NCKAP5: variants seen among roughly 807,000 people sequenced by gnomAD.
NCKAP5 encodes NCK associated protein 5, also known as nck-associated protein 5.
In NCKAP5, 92 loss-of-function variants were observed where a neutral mutation model predicts 167.0. That is an observed-to-expected ratio of 0.55 (90% CI 0.47 to 0.66). The LOEUF (loss-of-function observed/expected upper bound fraction) is 0.66. Ranked by LOEUF, NCKAP5 falls within the 30% of genes least tolerant of loss-of-function variation. The probability of loss-of-function intolerance (pLI) is 0.00; values close to 1 mark genes in which losing one functional copy is unlikely to be tolerated. For missense variants in NCKAP5, 2,378 were observed against 2,315.0 expected (o/e 1.03, Z -0.56); for synonymous variants, 891 against 877.4 (o/e 1.02, Z -0.27).
chr2:133,539,063 C>T (rs972927036), intron 2 of NCKAP5, among the ~76,000 whole-genome samples: 1 of 151,346 alleles, frequency 6.6e-6, no homozygotes, highest in Non-Finnish European at 1.5e-5. Context: ...GCCTCAGCCT[C>T]CCAAGTAGCT....
chr2:132,965,904 TTGTG>T (rs60589235), intron 7 of NCKAP5, among the ~76,000 whole-genome samples: 2,061 of 140,836 alleles, frequency 0.015, 17 homozygotes, highest in Middle Eastern at 0.047. Context: ...ACATGACTCT[TTGTG>T]TGTGTGTGTG....
the NCKAP5 span, among the ~76,000 whole-genome samples, chr2:133,668,587 T>C: frequency 3.9e-5 from 6 of 152,154 alleles, no homozygotes; most frequent in East Asian, 3.9e-4. Context: ...ATATCTTCTT[T>C]TGAGAAATGA....
At chr2:133,128,676 C>T (rs911324114) in intron 6 of NCKAP5, among the ~76,000 whole-genome samples, 1 of 151,984 alleles carries the variant, frequency 6.6e-6, no homozygotes, top group Non-Finnish European at 1.5e-5. Flanking sequence ...CGGCTCACTG[C>T]AAACTCCACC....
At chr2:133,353,114 A>T (rs1236003840) in intron 3 of NCKAP5, among the ~76,000 whole-genome samples, 1 of 152,200 alleles carries the variant, frequency 6.6e-6, no homozygotes, top group Admixed American at 6.5e-5. Flanking sequence ...CTCCATTAGA[A>T]TACAGCTATT....
At chr2:133,049,534 G>C in intron 6 of NCKAP5, among the ~76,000 whole-genome samples, 1 of 119,994 alleles carries the variant, frequency 8.3e-6, no homozygotes, top group East Asian at 2.5e-4. Context: ...GACAGAGTGA[G>C]ACTCTGTCTC....
intron 11 of NCKAP5, among the ~76,000 whole-genome samples, chr2:132,799,633 C>A (rs1350945678): frequency 6.6e-6 from 1 of 152,018 alleles, no homozygotes; most frequent in Non-Finnish European, 1.5e-5. Flanking sequence ...TAGGTAACTT[C>A]TTAGATAATA....
Position 133,376,249 on chromosome 2 carries a change from G to A in NCKAP5, c.70-73139C>T, listed in dbSNP as rs147076837. Among the ~76,000 whole-genome samples, 638 of 152,302 alleles carry A rather than the reference G, an allele frequency of 4.2e-3. 3 individuals are homozygous for A. The highest frequency in any genetic ancestry group is 7.2e-3 in the Non-Finnish European group (493 of 68,014). ...AAATTAATACACTTATGAAGACCAT[G>A]TTATCAGAAATTGGAAATAAATTCC... On this transcript the variant is annotated intron_variant, in intron 3 of 19. Transcript: ENST00000409261.
chr2:133,072,435 C>A (rs897907031), intron 6 of NCKAP5, among the ~76,000 whole-genome samples: 1 of 152,088 alleles, frequency 6.6e-6, no homozygotes, highest in Non-Finnish European at 1.5e-5. Flanking sequence ...AGCCCTCCAC[C>A]ATAACAATAT....
intron 3 of NCKAP5, among the ~76,000 whole-genome samples, chr2:133,387,813 C>A (rs983612759): frequency 6.6e-6 from 1 of 152,300 alleles, no homozygotes; most frequent in Middle Eastern, 3.4e-3. Context: ...TCACTGATAT[C>A]CTTTCTTCCA....
At chr2:133,137,306 CA>C (rs1375198064) in intron 5 of NCKAP5, among the ~76,000 whole-genome samples, 1 of 151,818 alleles carries the variant, frequency 6.6e-6, no homozygotes, top group Non-Finnish European at 1.5e-5. Context: ...TTTTGAGATG[CA>C]AGGATAGAAA....
At chr2:133,410,878 A>T (rs2151057540) in intron 3 of NCKAP5, among the ~76,000 whole-genome samples, 1 of 152,350 alleles carries the variant, frequency 6.6e-6, no homozygotes, top group Non-Finnish European at 1.5e-5. Context: ...AGACTACAAC[A>T]GAATCTCTAT....
intron 4 of NCKAP5, among the ~76,000 whole-genome samples, chr2:133,262,456 G>A (rs1226730389): frequency 6.6e-6 from 1 of 152,184 alleles, no homozygotes; most frequent in East Asian, 1.9e-4. Flanking sequence ...ACAGTACCTG[G>A]AAATCTAGGT....
At chr2:133,347,953 G>A (rs1422276890) in intron 3 of NCKAP5, among the ~76,000 whole-genome samples, 1 of 152,204 alleles carries the variant, frequency 6.6e-6, no homozygotes, top group Non-Finnish European at 1.5e-5. Context: ...GAACCAAAGT[G>A]ACAAACCTTG....
intron 19 of NCKAP5, among the ~76,000 whole-genome samples, chr2:132,722,012 A>T (rs531364722): frequency 6.6e-6 from 1 of 152,242 alleles, no homozygotes; most frequent in Non-Finnish European, 1.5e-5. Flanking sequence ...GAGTTGACAG[A>T]GAAAAATATT....
In NCKAP5 at chr2:133,407,867, G is replaced by C. The variant is rs149067030; in HGVS notation, c.70-104757C>G. On this transcript the variant is annotated intron_variant, in intron 3 of 19. Transcript: ENST00000409261. ...ATTATAAGTTGTTGTTTAGGAAGGA[G>C]GTCGATAAAGGGGACCAAGGTTAGC... is the stretch of plus-strand genomic sequence containing the variant. Among the ~76,000 whole-genome samples, 340 of 152,268 alleles carry C rather than the reference G, an allele frequency of 2.2e-3. 1 individual carries two copies. Among genetic ancestry groups the C allele is most frequent in the African/African-American group, 7.8e-3 (323 of 41,552 alleles).
chr2:133,637,039 G>A, the NCKAP5 span, among the ~76,000 whole-genome samples: 1 of 142,080 alleles, frequency 7.0e-6, no homozygotes, highest in South Asian at 2.2e-4. Flanking sequence ...AATATTTAAA[G>A]TATACTTAAT....
chr2:132,963,597 A>G lies in NCKAP5; in HGVS notation c.579+123T>C, dbSNP rs1182690485. The stretch of plus-strand genomic sequence containing the variant: ...TAGACAAATCTCAGCAGGAAATCGT[A>G]GATCATATTAGTCTGGGAGAACTCA... On this transcript the variant is annotated intron_variant, in intron 8 of 19. Coordinates refer to ENST00000409261, the MANE Select transcript of NCKAP5 (RefSeq NM_207363.3). 4 of 1,002,770 alleles carry G rather than the reference A, an allele frequency of 4.0e-6. No individual in the cohort carries two copies. The African/African-American group carries it at 4.9e-5, about 12-fold the overall frequency. The allele number at this position is 1,002,770 out of a possible 1,614,324, so 62.1% of individuals were successfully genotyped here.
intron 6 of NCKAP5, among the ~76,000 whole-genome samples, chr2:133,032,928 G>A (rs2078928270): frequency 6.6e-6 from 1 of 152,138 alleles, no homozygotes; most frequent in Non-Finnish European, 1.5e-5. Context: ...TAAACAACCA[G>A]ATCTCATGAG....
intron 16 of NCKAP5, among the ~76,000 whole-genome samples, chr2:132,761,548 C>A (rs539709577): frequency 1.2e-4 from 18 of 152,284 alleles, no homozygotes; most frequent in African/African-American, 4.3e-4. Context: ...TAAGAAAATA[C>A]GTATAATTTT....
Sources: gnomAD v4.1 joint callset for allele counts (sites outside exome capture counted in the v4.1 genomes callset) on GRCh38, gnomAD v4.1.1 for gene constraint, MANE v1.5 for transcripts, NCBI Gene and HGNC (gene_info 2026-07-23, HGNC 2026-07-21) for gene names.